The following OGFRL1 variants were observed in gnomAD, a reference collection of about 807,000 sequenced individuals.
OGFRL1 encodes the protein opioid growth factor receptor like 1.
In OGFRL1, 26 loss-of-function variants were observed where a neutral mutation model predicts 32.4. The ratio of observed to expected loss-of-function variants is 0.80; its 90% CI spans 0.59 to 1.11. The LOEUF (loss-of-function observed/expected upper bound fraction) is 1.11. Among genes scored for constraint, OGFRL1 ranks in the 50% most tolerant of loss-of-function variants. The pLI is 0.00. For synonymous variants in OGFRL1, 211 were observed against 201.2 expected, an observed-to-expected ratio of 1.05 and a Z score of -0.41; for missense variants, 521 against 546.4, an observed-to-expected ratio of 0.95 and a Z score of 0.46.
chr6:71,302,039 T>C lies in OGFRL1; in HGVS notation c.1346T>C (p.Leu449Pro), dbSNP rs1766415566. The change falls in exon 7 of 7, where the codon CTA becomes CCA. Residue 449 changes from leucine (L) to proline (P), a missense_variant. Coordinates refer to ENST00000370435, the MANE Select transcript of OGFRL1 (RefSeq NM_024576.5). The stretch of plus-strand genomic sequence containing the variant: ...AATACAAATTGCCATGATGTTGTAC[T>C]AGTACAGTGAATTATCAGAAAACCC... ...PGNTNCHDVV[L>P]VQ 1 of 1,539,760 alleles carries C rather than the reference T, an allele frequency of 6.5e-7. No homozygotes were observed. The highest frequency in any genetic ancestry group is 8.7e-7 in the Non-Finnish European group (1 of 1,153,534).
rs767843450 is a variant in OGFRL1, at chr6:71,293,398, A to G, written c.321+19A>G. ...GTACCCAGTAAGAGTATAGAATGCT[A>G]TGTTTTAAACTGTAAACTATTTTCC... is the stretch of plus-strand genomic sequence containing the variant. On this transcript the variant is annotated intron_variant, in intron 2 of 6. Transcript: ENST00000370435. 6.2e-7 allele frequency: 1 copy of G among 1,607,948 alleles called. No homozygotes were observed. Among genetic ancestry groups the G allele is most frequent in the African/African-American group, 1.3e-5 (1 of 74,812 alleles).
chr6:71,293,707 T>C, intron 3 of OGFRL1, 96 bp downstream of exon 3: 1 of 851,192 alleles, frequency 1.2e-6, no homozygotes, highest in Non-Finnish European at 1.9e-6. Flanking sequence ...TGGATTTACT[T>C]TGCTATGCAG....
chr6:71,288,991 T>C lies in OGFRL1; in HGVS notation c.55T>C (p.Cys19Arg). The C allele has an allele frequency of 1.4e-6, 2 of 1,392,684 alleles. No individual in the cohort carries two copies. Among genetic ancestry groups the C allele is most frequent in the South Asian group, 1.3e-5 (1 of 78,346 alleles). 86.3% of individuals were successfully genotyped at this position (1,392,684 alleles called of 1,614,324 possible). The change falls in exon 1 of 7, where the codon TGC becomes CGC. Residue 19 changes from cysteine (C) to arginine (R), a missense_variant. Cys to Arg is a radical substitution (Grantham distance 180). Transcript: ENST00000370435. Reference protein sequence around the residue: ...SFREPTTVEDCDSTWQTDSEP... With the variant: ...SFREPTTVEDRDSTWQTDSEP... ...CCGCGAGCCCACCACCGTGGAGGACTGCGACTCCACCTGGCAGACCGACTC... is the reference window on the plus strand; with the variant it reads ...CCGCGAGCCCACCACCGTGGAGGACCGCGACTCCACCTGGCAGACCGACTC...
At chr6:71,300,206 T>C (rs954404888) in intron 6 of OGFRL1, among the ~76,000 whole-genome samples, 2 of 152,232 alleles carry the variant, frequency 1.3e-5, no homozygotes, top group African/African-American at 2.4e-5. Context: ...GTTATTGTTA[T>C]GTGGCAATAT....
Position 71,288,966 on chromosome 6 carries a change from C to T in OGFRL1, c.30C>T (p.Phe10=). The T allele has an allele frequency of 9.3e-6, 13 of 1,390,676 alleles. No homozygotes were observed. The highest frequency in any genetic ancestry group is 1.2e-5 in the Non-Finnish European group (13 of 1,057,246). 86.1% of individuals were successfully genotyped at this position (1,390,676 alleles called of 1,614,324 possible). ...GCAACCTGCTCGGCGGGGTCAGCTT[C>T]CGCGAGCCCACCACCGTGGAGGACT... MGNLLGGVS[F]REPTTVEDCD... Residue 10 remains phenylalanine, a synonymous_variant, in exon 1 of 7, where the codon TTC becomes TTT. Coordinates refer to ENST00000370435, the MANE Select transcript of OGFRL1 (RefSeq NM_024576.5).
chr6:71,297,977 C>G (rs564195754), intron 6 of OGFRL1, among the ~76,000 whole-genome samples: 1 of 131,816 alleles, frequency 7.6e-6, no homozygotes, highest in East Asian at 2.6e-4. Flanking sequence ...CAACAGACCC[C>G]GGTGTGTGAT....
chr6:71,303,043 C>T lies in OGFRL1; in HGVS notation c.*994C>T, dbSNP rs530082599. 6.6e-6 allele frequency: 1 copy of T among 152,254 alleles called. No individual in the cohort carries two copies. The highest frequency in any genetic ancestry group is 2.1e-4 in the South Asian group (1 of 4,824). 9.4% of individuals were successfully genotyped at this position (152,254 alleles called of 1,614,324 possible). A position where few individuals can be genotyped will look rare whatever the true frequency, so the allele number is the denominator to read the frequency against. On this transcript the variant is annotated 3_prime_UTR_variant, in exon 7 of 7. Transcript: ENST00000370435. ...TGGCCCTCCATATTCAGGGGTCCAG[C>T]ATCTGTGGATTCAACCAACCGCAGA...
At chr6:71,300,769 G>A (rs1766355933) in intron 6 of OGFRL1, among the ~76,000 whole-genome samples, 1 of 152,160 alleles carries the variant, frequency 6.6e-6, no homozygotes, top group African/African-American at 2.4e-5. Flanking sequence ...AAGTTACAGA[G>A]CCAGGGTGTG....
chr6:71,305,097 C>T lies in OGFRL1; in HGVS notation c.*3048C>T, dbSNP rs770411458. ...TTATAAAAAATGCAGTGAAGCATGA[C>T]CAAATAGCTAAAAATATTACTGAAT... On this transcript the variant is annotated 3_prime_UTR_variant, in exon 7 of 7. Transcript: ENST00000370435. 18 of 151,912 alleles carry T rather than the reference C, an allele frequency of 1.2e-4. No homozygotes were observed. Among genetic ancestry groups the T allele is most frequent in the Non-Finnish European group, 2.7e-4 (18 of 67,892 alleles). The allele number at this position is 151,912 out of a possible 1,614,324, so 9.4% of individuals were successfully genotyped here.
rs1469110720 is a variant in OGFRL1, at chr6:71,304,462, A to G, written c.*2413A>G. ...TGTAGAACACAAATAATTTAATTCA[A>G]AATAACTTACCAATTTTATATACAT... On this transcript the variant is annotated 3_prime_UTR_variant, in exon 7 of 7. Coordinates refer to ENST00000370435, the MANE Select transcript of OGFRL1 (RefSeq NM_024576.5). 6.6e-6 allele frequency: 1 copy of G among 152,132 alleles called. No homozygotes were observed. The highest frequency in any genetic ancestry group is 1.5e-5 in the Non-Finnish European group (1 of 67,976). The allele number at this position is 152,132 out of a possible 1,614,324, so 9.4% of individuals were successfully genotyped here. A position where few individuals can be genotyped will look rare whatever the true frequency, so the allele number is the denominator to read the frequency against.
chr6:71,296,346 T>C lies in OGFRL1; in HGVS notation c.430T>C (p.Trp144Arg). 8 of 1,610,034 alleles carry C rather than the reference T, an allele frequency of 5.0e-6. No individual in the cohort carries two copies. Among genetic ancestry groups the C allele is most frequent in the Non-Finnish European group, 6.8e-6 (8 of 1,176,920 alleles). The change falls in exon 4 of 7, where the codon TGG becomes CGG. Residue 144 changes from tryptophan (W) to arginine (R), a missense_variant. Transcript: ENST00000370435. ...GVYIEEVLSK[W>R]KGDYEKLEHN... is the part of the protein sequence containing the mutation. Reference sequence around the variant, plus strand: ...TTACATTGAAGAAGTTCTAAGTAAATGGAAAGGAGATTATGAAAAACTGGA... The same window carrying C: ...TTACATTGAAGAAGTTCTAAGTAAACGGAAAGGAGATTATGAAAAACTGGA...
intron 1 of OGFRL1, chr6:71,291,650 G>A (rs1008494501): frequency 1.3e-5 from 2 of 152,282 alleles, no homozygotes; most frequent in African/African-American, 4.8e-5. Context: ...AGCAGGAGCA[G>A]ATGCTGGCAG....
chr6:71,297,342 A>C (rs1468896835), intron 6 of OGFRL1, among the ~76,000 whole-genome samples: 1 of 152,338 alleles, frequency 6.6e-6, no homozygotes, highest in African/African-American at 2.4e-5. Flanking sequence ...AAGGTAAAAA[A>C]CAAAAACTCA....
rs1158690810 is a variant in OGFRL1, at chr6:71,289,548, T to TAAAAA, written c.234+406_234+410dup. On this transcript the variant is annotated intron_variant, in intron 1 of 6. Coordinates refer to ENST00000370435, the MANE Select transcript of OGFRL1 (RefSeq NM_024576.5). ...CAACCCCTCTAGTGTGTGTTATTGG[T>TAAAAA]AAAAAAAAAAAAAAAAAAAAAAAAA... is the stretch of plus-strand genomic sequence containing the variant. 3,510 of 537,260 alleles carry TAAAAA rather than the reference T, an allele frequency of 6.5e-3. 20 individuals are homozygous for TAAAAA. Among genetic ancestry groups the TAAAAA allele is most frequent in the African/African-American group, 0.014 (291 of 20,806 alleles). 33.3% of individuals were successfully genotyped at this position (537,260 alleles called of 1,614,324 possible).
At position 71,288,816 on chromosome 6, in the gene OGFRL1, G is replaced by T. The variant is rs1174250408; in HGVS notation, c.-121G>T. The T allele has an allele frequency of 3.0e-6, 2 of 675,028 alleles. No individual in the cohort carries two copies. The highest frequency in any genetic ancestry group is 3.7e-6 in the Non-Finnish European group (2 of 542,944). 41.8% of individuals were successfully genotyped at this position (675,028 alleles called of 1,614,324 possible). ...GCCGCTCGCCGCGCTGAGGCAGTGC[G>T]GGGCGGGCGCGCCTAGGCTGCCGCC... is the stretch of plus-strand genomic sequence containing the variant. On this transcript the variant is annotated 5_prime_UTR_variant, in exon 1 of 7. Coordinates refer to ENST00000370435, the MANE Select transcript of OGFRL1 (RefSeq NM_024576.5).
chr6:71,297,803 T>TAAATTTATTATTATAATA (rs1402717649), intron 6 of OGFRL1, among the ~76,000 whole-genome samples: 3 of 151,636 alleles, frequency 2.0e-5, no homozygotes, highest in Non-Finnish European at 4.4e-5. Context: ...TATATATTTT[T>TAAATTTATTATTATAATA]AATTTTATTA....
intron 1 of OGFRL1, among the ~76,000 whole-genome samples, chr6:71,290,767 T>C (rs972192507): frequency 3.3e-5 from 5 of 152,176 alleles, no homozygotes; most frequent in Non-Finnish European, 7.4e-5. Flanking sequence ...ACCACTTCCA[T>C]TGCATCATCC....
Position 71,301,847 on chromosome 6 carries a change from G to C in OGFRL1, c.1154G>C (p.Ser385Thr). 1 of 1,612,876 alleles carries C rather than the reference G, an allele frequency of 6.2e-7. No homozygotes were observed. Among genetic ancestry groups the C allele is most frequent in the Non-Finnish European group, 8.5e-7 (1 of 1,179,718 alleles). The change falls in exon 7 of 7, where the codon AGC (serine) becomes ACC (threonine). Residue 385 changes from serine (S) to threonine (T), a missense_variant. Physicochemically the swap from Ser to Thr is moderately conservative, Grantham distance 58. Transcript: ENST00000370435. Reference sequence around the variant, plus strand: ...ACAGACAGGCCCAGCCCAGAGCCCAGCAATGAAGCTGCCAAGCCAAGAAAT... The same window carrying C: ...ACAGACAGGCCCAGCCCAGAGCCCACCAATGAAGCTGCCAAGCCAAGAAAT... Reference protein sequence around the residue: ...EETDRPSPEPSNEAAKPRNTE... With the variant: ...EETDRPSPEPTNEAAKPRNTE...
rs933160654 is a variant in OGFRL1, at chr6:71,303,576, T to G, written c.*1527T>G. Reference sequence around the variant, plus strand: ...ATTCCTTTTTAAAAGGCATGCCTCTTGCACTGTGAACAAGACAGTAGTCCC... The same window carrying G: ...ATTCCTTTTTAAAAGGCATGCCTCTGGCACTGTGAACAAGACAGTAGTCCC... On this transcript the variant is annotated 3_prime_UTR_variant, in exon 7 of 7. Transcript: ENST00000370435. The G allele has an allele frequency of 2.0e-5, 3 of 152,312 alleles. No individual in the cohort carries two copies. Among genetic ancestry groups the G allele is most frequent in the Non-Finnish European group, 4.4e-5 (3 of 68,010 alleles). The allele number at this position is 152,312 out of a possible 1,614,324, so 9.4% of individuals were successfully genotyped here.
Sources: allele counts gnomAD v4.1 joint callset (sites outside exome capture counted in the v4.1 genomes callset), GRCh38; gene constraint gnomAD v4.1.1; transcripts MANE v1.5; gene names NCBI Gene and HGNC (gene_info 2026-07-23, HGNC 2026-07-21).